Variants in SMYD3 observed in about 807,000 individuals in gnomAD.
SMYD3 encodes histone-lysine N-methyltransferase SMYD3.
A neutral mutation model predicts 57.7 loss-of-function variants in SMYD3; 36 were observed. The ratio of observed to expected loss-of-function variants is 0.62; its 90% confidence interval spans 0.48 to 0.82. The LOEUF is 0.82. Ranked by LOEUF, SMYD3 falls within the 40% of genes least tolerant of loss-of-function variation. The pLI is 0.00. For synonymous variants in SMYD3, 211 were observed against 195.0 expected, an observed-to-expected ratio of 1.08 and a Z score of -0.68; for missense variants, 515 against 538.8, an observed-to-expected ratio of 0.96 and a Z score of 0.44.
At chr1:246,210,272 A>G (rs1282031726) in intron 5 of SMYD3, among the ~76,000 whole-genome samples, 1 of 152,190 alleles carries the variant, frequency 6.6e-6, no homozygotes, top group Non-Finnish European at 1.5e-5. Context: ...GGTGCCTACC[A>G]TCACACGCAT....
intron 5 of SMYD3, among the ~76,000 whole-genome samples, chr1:246,260,508 T>C (rs1049268908): frequency 1.3e-5 from 2 of 152,036 alleles, no homozygotes; most frequent in African/African-American, 2.4e-5. Flanking sequence ...TGGAGTGCAA[T>C]GGCCCGACCT....
intron 5 of SMYD3, among the ~76,000 whole-genome samples, chr1:246,201,756 T>G (rs1053838191): frequency 6.6e-5 from 10 of 152,190 alleles, no homozygotes; most frequent in African/African-American, 2.2e-4. Context: ...CTCACGCCAG[T>G]AATCCCAACA....
At chr1:246,127,754 G>A (rs2061529910) in intron 5 of SMYD3, among the ~76,000 whole-genome samples, 1 of 152,064 alleles carries the variant, frequency 6.6e-6, no homozygotes, top group African/African-American at 2.4e-5. Flanking sequence ...AAATTAGCCA[G>A]GCATGATAGC....
At chr1:245,878,045 G>C (rs2052582276) in intron 8 of SMYD3, among the ~76,000 whole-genome samples, 1 of 148,118 alleles carries the variant, frequency 6.8e-6, no homozygotes, top group East Asian at 1.9e-4. Context: ...AGGTGGTGTG[G>C]AACTCAACAA....
rs562411861 is a variant in SMYD3, at chr1:246,288,120, C to A, written c.531+39081G>T. On this transcript the variant is annotated intron_variant, in intron 5 of 11. Transcript: ENST00000490107. ...ATGGAGTTTCACTCTGTCACCCAGG[C>A]TGGAGTACAGTGGTGCAATCTCAGC... 2.8e-4 allele frequency among the ~76,000 whole-genome samples: 35 copies of A among 126,188 alleles called. 1 individual carries two copies. The Middle Eastern group carries it at 0.052, about 187-fold the overall frequency. The allele number at this position is 126,188 out of a possible 152,430, so 82.8% of individuals were successfully genotyped here.
At chr1:245,915,329 A>C (rs1422403528) in intron 8 of SMYD3, among the ~76,000 whole-genome samples, 1 of 152,224 alleles carries the variant, frequency 6.6e-6, no homozygotes, top group Non-Finnish European at 1.5e-5. Flanking sequence ...CCTTTGGTTA[A>C]ATCGGTTAAA....
chr1:246,246,992 G>A (rs946896489), intron 5 of SMYD3, among the ~76,000 whole-genome samples: 19 of 151,978 alleles, frequency 1.3e-4, no homozygotes, highest in African/African-American at 4.1e-4. Flanking sequence ...GTTAAAATAC[G>A]AAGATACACA....
chr1:246,390,880 A>T (rs2066550977), intron 1 of SMYD3, among the ~76,000 whole-genome samples: 1 of 152,176 alleles, frequency 6.6e-6, no homozygotes, highest in Non-Finnish European at 1.5e-5. Context: ...GATGACTTTT[A>T]AAAAAATCAA....
intron 1 of SMYD3, among the ~76,000 whole-genome samples, chr1:246,482,049 T>C (rs1484647882): frequency 1.3e-5 from 2 of 151,804 alleles, no homozygotes; most frequent in African/African-American, 4.8e-5. Context: ...TCCCAGCTAC[T>C]GGGAAGGCTA....
chr1:246,200,038 G>C (rs1467888687), intron 5 of SMYD3, among the ~76,000 whole-genome samples: 1 of 150,782 alleles, frequency 6.6e-6, no homozygotes, highest in African/African-American at 2.4e-5. Context: ...TGTAGACTCT[G>C]AGCAAGAATG....
intron 5 of SMYD3, among the ~76,000 whole-genome samples, chr1:245,994,362 C>A (rs1297102457): frequency 6.6e-6 from 1 of 152,136 alleles, no homozygotes; most frequent in Admixed American, 6.5e-5. Context: ...AAAGCGAAGG[C>A]GTCAGCTGAG....
At chr1:245,797,500 G>A (rs2047578562) in intron 10 of SMYD3, among the ~76,000 whole-genome samples, 2 of 143,718 alleles carry the variant, frequency 1.4e-5, no homozygotes, top group East Asian at 4.1e-4. Flanking sequence ...CACAGGAAGG[G>A]GAACATCACA....
chr1:245,857,922 C>A lies in SMYD3; in HGVS notation c.1076+574G>T, dbSNP rs570991384. Among the ~76,000 whole-genome samples the A allele has an allele frequency of 4.8e-4, 73 of 152,286 alleles. 1 individual carries two copies. The highest frequency in any genetic ancestry group is 4.4e-3 in the South Asian group (21 of 4,818). On this transcript the variant is annotated intron_variant, in intron 10 of 11. Transcript: ENST00000490107. ...CCAGGAGCTGAGATCAGTCAAGAAG[C>A]AATTACCTATAGTTCCTTCACCTGA...
At chr1:246,217,353 C>T (rs1304696250) in intron 5 of SMYD3, among the ~76,000 whole-genome samples, 2 of 151,990 alleles carry the variant, frequency 1.3e-5, no homozygotes, top group African/African-American at 2.4e-5. Context: ...CCTGTCTCTA[C>T]GAAAAATTAA....
intron 8 of SMYD3, among the ~76,000 whole-genome samples, chr1:245,911,871 G>T (rs1558485598): frequency 6.6e-6 from 1 of 152,000 alleles, no homozygotes; most frequent in Non-Finnish European, 1.5e-5. Context: ...AAAATAGCTA[G>T]AAGAGAAAAT....
chr1:246,141,758 C>G (rs1267205779), intron 5 of SMYD3, among the ~76,000 whole-genome samples: 2 of 152,292 alleles, frequency 1.3e-5, no homozygotes, highest in East Asian at 3.9e-4. Flanking sequence ...ATTCAAGATT[C>G]CATTTAGTAA....
chr1:245,886,601 C>A (rs1377976491), intron 8 of SMYD3, among the ~76,000 whole-genome samples: 2 of 152,122 alleles, frequency 1.3e-5, no homozygotes, highest in African/African-American at 4.8e-5. Flanking sequence ...TAATCGAACC[C>A]AAAAGCATCT....
At chr1:246,215,677 C>T (rs2063153192) in intron 5 of SMYD3, among the ~76,000 whole-genome samples, 1 of 152,122 alleles carries the variant, frequency 6.6e-6, no homozygotes, top group African/African-American at 2.4e-5. Context: ...TGAGCAGCAG[C>T]ATGCCACAGA....
chr1:246,449,890 TAGAGCCAAGTC>T (rs2067606035), intron 1 of SMYD3, among the ~76,000 whole-genome samples: 1 of 152,144 alleles, frequency 6.6e-6, no homozygotes, highest in Non-Finnish European at 1.5e-5. Flanking sequence ...ATTGGGAGTA[TAGAGCCAAGTC>T]CCTCACTTTA....
Sources: allele counts gnomAD v4.1 joint callset (sites outside exome capture counted in the v4.1 genomes callset), GRCh38; gene constraint gnomAD v4.1.1; transcripts MANE v1.5; gene names NCBI Gene and HGNC (gene_info 2026-07-23, HGNC 2026-07-21).